The following ZFPM2 variants were observed in gnomAD, a reference collection of about 807,000 sequenced individuals.
ZFPM2 encodes the protein zinc finger protein ZFPM2.
Under a neutral mutation model 98.6 loss-of-function variants are expected in ZFPM2, and 20 were observed. The observed-to-expected ratio is 0.20, with a 90% CI of 0.14 to 0.29. ZFPM2 has a LOEUF of 0.29. ZFPM2 is among the 10% of genes least tolerant of loss of function. The probability of loss-of-function intolerance (pLI) is 1.00; values close to 1 mark genes in which losing one functional copy is unlikely to be tolerated. For synonymous variants in ZFPM2, 518 were observed against 502.7 expected (o/e 1.03, Z -0.41); for missense variants, 1,310 against 1,388.6 (o/e 0.94, Z 0.90).
chr8:105,649,811 A>G (rs1260727636), intron 5 of ZFPM2, among the ~76,000 whole-genome samples: 6 of 152,168 alleles, frequency 3.9e-5, no homozygotes, highest in South Asian at 4.1e-4. Context: ...TTTTGCATCA[A>G]TGTTCATCAA....
intron 5 of ZFPM2, among the ~76,000 whole-genome samples, chr8:105,639,698 A>G (rs1192643194): frequency 4.6e-5 from 7 of 152,044 alleles, no homozygotes; most frequent in Non-Finnish European, 1.0e-4. Flanking sequence ...TTATCATACA[A>G]GCAGTCCTTG....
Position 105,342,945 on chromosome 8 carries a change from A to G in ZFPM2, c.40+23964A>G, listed in dbSNP as rs535506170. Reference sequence around the variant, plus strand: ...AAAAAAAATAATAATAAGTATAACAATCTTCTGGAGGCAGACTCAAGTGCT... The same window carrying G: ...AAAAAAAATAATAATAAGTATAACAGTCTTCTGGAGGCAGACTCAAGTGCT... On this transcript the variant is annotated intron_variant, in intron 1 of 7. Coordinates refer to ENST00000407775, the MANE Select transcript of ZFPM2 (RefSeq NM_012082.4). Among the ~76,000 whole-genome samples the G allele has an allele frequency of 3.8e-4, 58 of 152,138 alleles. No individual in the cohort carries two copies. The South Asian group carries it at 0.012, about 30-fold the overall frequency.
At chr8:105,388,692 G>A (rs1811048671) in intron 1 of ZFPM2, among the ~76,000 whole-genome samples, 2 of 152,184 alleles carry the variant, frequency 1.3e-5, no homozygotes, top group East Asian at 1.9e-4. Flanking sequence ...TGAGGATGGA[G>A]GAAGAACAGT....
At chr8:105,488,207 A>G (rs1813274003) in intron 3 of ZFPM2, among the ~76,000 whole-genome samples, 1 of 152,212 alleles carries the variant, frequency 6.6e-6, no homozygotes, top group Non-Finnish European at 1.5e-5. Context: ...CCAAAATAAC[A>G]TTGGCTTATA....
intron 5 of ZFPM2, among the ~76,000 whole-genome samples, chr8:105,636,451 C>T (rs970780490): frequency 2.0e-5 from 3 of 152,106 alleles, no homozygotes; most frequent in African/African-American, 4.8e-5. Context: ...CTTCTTGATG[C>T]TCCCATGCCA....
At chr8:105,330,563 T>TATAC (rs1554594973) in intron 1 of ZFPM2, among the ~76,000 whole-genome samples, 4 of 75,324 alleles carry the variant, frequency 5.3e-5, no homozygotes, top group Admixed American at 1.9e-4. Context: ...CATATATATA[T>TATAC]ATATACATAT....
chr8:105,343,354 T>C (rs1466013800), intron 1 of ZFPM2, among the ~76,000 whole-genome samples: 6 of 152,058 alleles, frequency 3.9e-5, no homozygotes, highest in African/African-American at 1.2e-4. Flanking sequence ...CAATGTCATA[T>C]CCTCCTTAAA....
At chr8:105,750,600 G>A (rs1294545885) in intron 5 of ZFPM2, among the ~76,000 whole-genome samples, 1 of 151,978 alleles carries the variant, frequency 6.6e-6, no homozygotes, top group Non-Finnish European at 1.5e-5. Flanking sequence ...TGGGATACTT[G>A]AGAGATCAGA....
At chr8:105,714,581 A>G (rs1394431941) in intron 5 of ZFPM2, among the ~76,000 whole-genome samples, 1 of 152,032 alleles carries the variant, frequency 6.6e-6, no homozygotes, top group African/African-American at 2.4e-5. Flanking sequence ...TTATCACTTA[A>G]TCATTTTAGT....
chr8:105,706,455 T>A (rs1426803881), intron 5 of ZFPM2, among the ~76,000 whole-genome samples: 1 of 152,200 alleles, frequency 6.6e-6, no homozygotes, highest in Non-Finnish European at 1.5e-5. Context: ...ATATAAACAT[T>A]CCTCATTTTA....
At chr8:105,759,642 GATA>G (rs755747043) in intron 5 of ZFPM2, among the ~76,000 whole-genome samples, 1 of 150,546 alleles carries the variant, frequency 6.6e-6, no homozygotes, top group Non-Finnish European at 1.5e-5. Context: ...TATTCAAATG[GATA>G]ATAACTTGCT....
intron 1 of ZFPM2, among the ~76,000 whole-genome samples, chr8:105,356,311 C>G (rs1812745296): frequency 6.6e-6 from 1 of 152,206 alleles, no homozygotes; most frequent in Non-Finnish European, 1.5e-5. Context: ...AAGTTGTCAG[C>G]TGACCTCTTC....
chr8:105,747,639 G>A (rs1397462465), intron 5 of ZFPM2, among the ~76,000 whole-genome samples: 1 of 151,936 alleles, frequency 6.6e-6, no homozygotes, highest in African/African-American at 2.4e-5. Context: ...TCAACATGCC[G>A]ATAGTACCAT....
At position 105,448,718 on chromosome 8, in the gene ZFPM2, A is replaced by G. The variant is rs150809477; in HGVS notation, c.301+4337A>G. On this transcript the variant is annotated intron_variant, in intron 3 of 7. Coordinates refer to ENST00000407775, the MANE Select transcript of ZFPM2 (RefSeq NM_012082.4). Reference sequence around the variant, plus strand: ...CAAGCTTCAGTTTCCTTATCTTTAAAATGGGAATAATAATAGCTTGAAATA... The same window carrying G: ...CAAGCTTCAGTTTCCTTATCTTTAAGATGGGAATAATAATAGCTTGAAATA... Among the ~76,000 whole-genome samples, 21 of 152,166 alleles carry G rather than the reference A, an allele frequency of 1.4e-4. 1 individual carries two copies. The East Asian group carries it at 2.5e-3, about 18-fold the overall frequency.
At chr8:105,457,567 G>C (rs1190985769) in intron 3 of ZFPM2, among the ~76,000 whole-genome samples, 1 of 152,172 alleles carries the variant, frequency 6.6e-6, no homozygotes, top group Admixed American at 6.5e-5. Flanking sequence ...GTGTGATGCT[G>C]GTGGTAAGAC....
intron 3 of ZFPM2, among the ~76,000 whole-genome samples, chr8:105,530,876 G>A (rs892918800): frequency 1.8e-4 from 27 of 152,170 alleles, no homozygotes; most frequent in African/African-American, 5.3e-4. Flanking sequence ...TCCAGGAAGC[G>A]GGCCAGCCTA....
At chr8:105,546,655 T>A (rs1358645984) in intron 3 of ZFPM2, among the ~76,000 whole-genome samples, 1 of 152,018 alleles carries the variant, frequency 6.6e-6, no homozygotes, top group East Asian at 1.9e-4. Context: ...GACATTATAC[T>A]GAGTCCTTTA....
At chr8:105,599,585 G>C (rs1033162959) in intron 4 of ZFPM2, among the ~76,000 whole-genome samples, 1 of 151,980 alleles carries the variant, frequency 6.6e-6, no homozygotes, top group Non-Finnish European at 1.5e-5. Flanking sequence ...GGAAGGATTA[G>C]CACTGACTTG....
At chr8:105,793,258 G>A (rs1813681286) in intron 6 of ZFPM2, among the ~76,000 whole-genome samples, 1 of 152,020 alleles carries the variant, frequency 6.6e-6, no homozygotes, top group Admixed American at 6.6e-5. Context: ...GCTTCCTTCA[G>A]GAGCTGTTTT....
Sources: gnomAD v4.1 joint callset for allele counts (sites outside exome capture counted in the v4.1 genomes callset) on GRCh38, gnomAD v4.1.1 for gene constraint, MANE v1.5 for transcripts, NCBI Gene and HGNC (gene_info 2026-07-23, HGNC 2026-07-21) for gene names.